SYNGR1: variants seen among roughly 807,000 people sequenced by gnomAD.
The protein encoded by SYNGR1 is synaptogyrin-1.
SYNGR1 carries 14 observed loss-of-function variants against 26.1 expected under a neutral mutation model. The observed-to-expected ratio is 0.54, with a 90% CI of 0.35 to 0.84. The LOEUF is 0.84. Among genes scored for constraint, SYNGR1 ranks in the 40% least tolerant of loss-of-function variants. SYNGR1 has a pLI of 0.01. For synonymous variants in SYNGR1, 141 were observed against 150.1 expected (o/e 0.94, Z 0.44); for missense variants, 319 against 332.9 (o/e 0.96, Z 0.33).
In SYNGR1 at chr22:39,355,346, G is replaced by A. The variant is rs3788549; in HGVS notation, c.99+5237G>A. On this transcript the variant is annotated intron_variant, in intron 1 of 3. Coordinates refer to ENST00000328933, the MANE Select transcript of SYNGR1 (RefSeq NM_004711.5). ...CCAGCCTGTCCTCTCCCAGTACCGG[G>A]CACAGCCCTGTCACCTAGACAGGAA... Among the ~76,000 whole-genome samples, 78 of 152,348 alleles carry A rather than the reference G, an allele frequency of 5.1e-4. 1 individual carries two copies. In the East Asian group the frequency reaches 9.3e-3, roughly 18 times the overall value.
chr22:39,365,828 T>C (rs1379136646), intron 1 of SYNGR1, among the ~76,000 whole-genome samples: 1 of 151,194 alleles, frequency 6.6e-6, no homozygotes, highest in Non-Finnish European at 1.5e-5. Context: ...CCCCATCTGC[T>C]CTTTTTCTTT....
intron 1 of SYNGR1, among the ~76,000 whole-genome samples, chr22:39,365,507 C>T (rs576553841): frequency 1.3e-5 from 2 of 152,178 alleles, no homozygotes; most frequent in African/African-American, 4.8e-5. Flanking sequence ...TGCTCCTCCT[C>T]CCATGTACTG....
At chr22:39,371,696 G>T (rs1468422697) in intron 1 of SYNGR1, among the ~76,000 whole-genome samples, 1 of 152,070 alleles carries the variant, frequency 6.6e-6, no homozygotes, top group Non-Finnish European at 1.5e-5. Context: ...GGAGGCTGAG[G>T]CTGGTCTTGA....
At position 39,374,416 on chromosome 22, in the gene SYNGR1, C is replaced by G; in HGVS notation, c.200C>G (p.Ala67Gly). 1 of 1,614,086 alleles carries G rather than the reference C, an allele frequency of 6.2e-7. No homozygotes were observed. The highest frequency in any genetic ancestry group is 1.7e-5 in the Admixed American group (1 of 60,026). The stretch of plus-strand genomic sequence containing the variant: ...TGCATCTACAACCGCAACCCCAACG[C>G]CTGCAGCTATGGCGTGGCCGTGGGC... ...EFCIYNRNPN[A>G]CSYGVAVGVL... The change falls in exon 2 of 4, where the codon GCC becomes GGC. Residue 67 changes from alanine to glycine, a missense_variant. By Grantham distance (60) the Ala-to-Gly change is moderately conservative. Coordinates refer to ENST00000328933, the MANE Select transcript of SYNGR1 (RefSeq NM_004711.5).
rs1357377070 is a variant in SYNGR1 at position 39,385,142 on chromosome 22, GA to G, written c.*3229del. 2.5e-6 allele frequency: 1 copy of G among 397,198 alleles called. No homozygotes were observed. Among genetic ancestry groups the G allele is most frequent in the Admixed American group, 4.4e-5 (1 of 22,694 alleles). The allele number at this position is 397,198 out of a possible 1,614,324, so 24.6% of individuals were successfully genotyped here. On this transcript the variant is annotated 3_prime_UTR_variant, in exon 4 of 4. Transcript: ENST00000328933. ...CCTAACCTTGGCCCAAGACCCCTTT[GA>G]TTCTCTAAGGAGCACGAAAGGGGGA...
chr22:39,354,916 C>G (rs927567472), intron 1 of SYNGR1, among the ~76,000 whole-genome samples: 1 of 151,872 alleles, frequency 6.6e-6, no homozygotes, highest in Non-Finnish European at 1.5e-5. Context: ...CTCCCCCAAC[C>G]AACTTGCCAT....
chr22:39,376,712 G>A (rs1312859243), intron 3 of SYNGR1, among the ~76,000 whole-genome samples: 1 of 152,216 alleles, frequency 6.6e-6, no homozygotes, highest in African/African-American at 2.4e-5. Context: ...CATGGGCCAG[G>A]CAGGGCCTGA....
At chr22:39,356,888 T>G (rs1256914740) in intron 1 of SYNGR1, among the ~76,000 whole-genome samples, 1 of 152,136 alleles carries the variant, frequency 6.6e-6, no homozygotes, top group Non-Finnish European at 1.5e-5. Context: ...ATCCCGACCT[T>G]TCCACCCTTG....
chr22:39,358,569 G>A (rs962687259), intron 1 of SYNGR1, among the ~76,000 whole-genome samples: 6 of 151,288 alleles, frequency 4.0e-5, no homozygotes, highest in South Asian at 2.1e-4. Context: ...AACTCCAGAC[G>A]CGCGGCATTA....
rs1431417406 is a variant in SYNGR1 at position 39,377,252 on chromosome 22, C to T, written c.483+1055C>T. The T allele has an allele frequency of 3.0e-6, 3 of 985,312 alleles. No homozygotes were observed. In the African/African-American group the frequency reaches 5.2e-5, roughly 17 times the overall value. 61.0% of individuals were successfully genotyped at this position (985,312 alleles called of 1,614,324 possible). A position where few individuals can be genotyped will look rare whatever the true frequency, so the allele number is the denominator to read the frequency against. On this transcript the variant is annotated intron_variant, in intron 3 of 3. Transcript: ENST00000328933. ...ATCCATTTTTGAGGGGTACACCCAT[C>T]TCCCCAACAATATTAGAAGATAGCA... is the stretch of plus-strand genomic sequence containing the variant.
At chr22:39,374,029 A>G (rs917481457) in intron 1 of SYNGR1, among the ~76,000 whole-genome samples, 2 of 152,138 alleles carry the variant, frequency 1.3e-5, no homozygotes, top group Admixed American at 1.3e-4. Flanking sequence ...GGGCCCAGGA[A>G]GACCTTTAGG....
At chr22:39,354,752 T>A (rs895484213) in intron 1 of SYNGR1, among the ~76,000 whole-genome samples, 1 of 151,500 alleles carries the variant, frequency 6.6e-6, no homozygotes, top group Non-Finnish European at 1.5e-5. Context: ...GGCAGGAGAA[T>A]CGCTTGAACC....
chr22:39,382,081 C>A lies in SYNGR1; in HGVS notation c.*167C>A. ...GGGTGGGGCAGTCCAGTGTTGGGGA[C>A]TGTCTACGTATGTGCAAGTATATCC... On this transcript the variant is annotated 3_prime_UTR_variant, in exon 4 of 4. Coordinates refer to ENST00000328933, the MANE Select transcript of SYNGR1 (RefSeq NM_004711.5). 1.4e-6 allele frequency: 1 copy of A among 732,246 alleles called. No homozygotes were observed. 45.4% of individuals were successfully genotyped at this position (732,246 alleles called of 1,614,324 possible).
intron 1 of SYNGR1, among the ~76,000 whole-genome samples, chr22:39,354,154 G>C (rs527605861): frequency 9.5e-4 from 144 of 152,236 alleles, no homozygotes; most frequent in Non-Finnish European, 1.6e-3. Context: ...GAGCCACCGT[G>C]CCCAGTCAAT....
chr22:39,381,188 A>T (rs1293407578), intron 3 of SYNGR1, among the ~76,000 whole-genome samples: 1 of 152,152 alleles, frequency 6.6e-6, no homozygotes, highest in Non-Finnish European at 1.5e-5. Flanking sequence ...AGCTCCAGCC[A>T]TCACATCTGT....
chr22:39,352,520 C>T (rs901913225), intron 1 of SYNGR1, among the ~76,000 whole-genome samples: 2 of 152,096 alleles, frequency 1.3e-5, no homozygotes, highest in Non-Finnish European at 1.5e-5. Context: ...GTGATACCAC[C>T]ACTTAGGGAG....
At chr22:39,364,373 C>T in intron 1 of SYNGR1, 2 of 1,608,802 alleles carry the variant, frequency 1.2e-6, no homozygotes, top group Non-Finnish European at 1.7e-6. Flanking sequence ...GTGAAATGCT[C>T]TAAGTATAAG....
chr22:39,359,423 C>T (rs1383804926), intron 1 of SYNGR1, among the ~76,000 whole-genome samples: 3 of 151,448 alleles, frequency 2.0e-5, no homozygotes, highest in Non-Finnish European at 4.4e-5. Flanking sequence ...AGATCAAGAC[C>T]ATCCTGGCTG....
chr22:39,371,907 T>A (rs1165974316), intron 1 of SYNGR1, among the ~76,000 whole-genome samples: 1 of 152,224 alleles, frequency 6.6e-6, no homozygotes, highest in Non-Finnish European at 1.5e-5. Context: ...TGCAAAATGC[T>A]GATGGTGCAG....
Sources: allele counts gnomAD v4.1 joint callset (sites outside exome capture counted in the v4.1 genomes callset), GRCh38; gene constraint gnomAD v4.1.1; transcripts MANE v1.5; gene names NCBI Gene and HGNC (gene_info 2026-07-23, HGNC 2026-07-21).